Variants in COL24A1 observed in about 807,000 individuals in gnomAD.
COL24A1 encodes the protein collagen alpha-1(XXIV) chain.
A neutral mutation model predicts 253.9 loss-of-function variants in COL24A1; 224 were observed. That is an observed-to-expected ratio of 0.88 (90% CI 0.79 to 0.99). COL24A1 has a LOEUF of 0.99. COL24A1 is among the 50% of genes least tolerant of loss of function. The pLI, the probability that COL24A1 is intolerant of heterozygous loss-of-function variation, is 0.00. For missense variants in COL24A1, 2,131 were observed against 2,068.5 expected (o/e 1.03, Z -0.59); for synonymous variants, 685 against 673.7 (o/e 1.02, Z -0.26).
At chr1:85,871,497 C>T (rs1366751496) in intron 35 of COL24A1, among the ~76,000 whole-genome samples, 5 of 152,304 alleles carry the variant, frequency 3.3e-5, no homozygotes, top group South Asian at 2.1e-4. Context: ...GCTTATCCAC[C>T]ATGATCAAGT....
Position 86,111,563 on chromosome 1 carries a change from A to G in COL24A1, c.1599+1004T>C, listed in dbSNP as rs1036348003. Reference sequence around the variant, plus strand: ...CTCTCTGTAAAATGGACCGATCAGCAGGATGTGGGTGAAGTCAGAAAAGGG... The same window carrying G: ...CTCTCTGTAAAATGGACCGATCAGCGGGATGTGGGTGAAGTCAGAAAAGGG... On this transcript the variant is annotated intron_variant, in intron 5 of 59. Coordinates refer to ENST00000370571, the MANE Select transcript of COL24A1 (RefSeq NM_152890.7). 6.9e-5 allele frequency among the ~76,000 whole-genome samples: 9 copies of G among 130,594 alleles called. No homozygotes were observed. The East Asian group carries it at 1.9e-3, about 27-fold the overall frequency. The allele number at this position is 130,594 out of a possible 152,430, so 85.7% of individuals were successfully genotyped here.
Position 85,896,363 on chromosome 1 carries a change from C to T in COL24A1, c.2825G>A (p.Gly942Asp). The change falls in exon 29 of 60, where the codon GGT (glycine) becomes GAT (aspartate). Residue 942 changes from glycine to aspartate, a missense_variant. Physicochemically the swap from Gly to Asp is moderately conservative, Grantham distance 94. Coordinates refer to ENST00000370571, the MANE Select transcript of COL24A1 (RefSeq NM_152890.7). ...AGAAAAATCAATGATTACCTTGGCACCTTGTATACCTTGTTCCCCTAAGAG... is the reference window on the plus strand; with the variant it reads ...AGAAAAATCAATGATTACCTTGGCATCTTGTATACCTTGTTCCCCTAAGAG... ...DGLLGEQGIQ[G>D]AKGEKGDQGK... 1 of 1,613,098 alleles carries T rather than the reference C, an allele frequency of 6.2e-7. No homozygotes were observed. Among genetic ancestry groups the T allele is most frequent in the Non-Finnish European group, 8.5e-7 (1 of 1,179,150 alleles).
intron 24 of COL24A1, among the ~76,000 whole-genome samples, chr1:85,914,862 T>C (rs570805208): frequency 6.6e-6 from 1 of 152,324 alleles, no homozygotes; most frequent in East Asian, 1.9e-4. Context: ...TTTGGTTACA[T>C]GCAGGATAAT....
At chr1:85,902,045 T>C (rs1320191058) in intron 28 of COL24A1, among the ~76,000 whole-genome samples, 1 of 152,086 alleles carries the variant, frequency 6.6e-6, no homozygotes, top group African/African-American at 2.4e-5. Context: ...GAATAATTTG[T>C]AGGAACATGG....
intron 28 of COL24A1, among the ~76,000 whole-genome samples, chr1:85,902,307 A>G (rs2102856535): frequency 6.6e-6 from 1 of 152,306 alleles, no homozygotes; most frequent in South Asian, 2.1e-4. Context: ...AGAGTCTTAC[A>G]ATTGAAGGCT....
intron 24 of COL24A1, among the ~76,000 whole-genome samples, chr1:85,952,827 A>G (rs1690063249): frequency 6.6e-6 from 1 of 152,226 alleles, no homozygotes; most frequent in Non-Finnish European, 1.5e-5. Flanking sequence ...TTTCCTGACC[A>G]CTATTCTATA....
At chr1:85,995,971 C>T (rs1694753975) in intron 19 of COL24A1, among the ~76,000 whole-genome samples, 1 of 152,182 alleles carries the variant, frequency 6.6e-6, no homozygotes, top group Admixed American at 6.5e-5. Context: ...AACCTCTTTT[C>T]TTTATAAATT....
intron 37 of COL24A1, among the ~76,000 whole-genome samples, chr1:85,856,375 G>A (rs1558407388): frequency 3.3e-5 from 5 of 152,146 alleles, no homozygotes; most frequent in Admixed American, 1.3e-4. Context: ...GTATCCCAGA[G>A]ATTCTTGTAT....
chr1:85,825,711 A>G (rs1342063931), intron 43 of COL24A1, among the ~76,000 whole-genome samples: 1 of 146,370 alleles, frequency 6.8e-6, no homozygotes, highest in Non-Finnish European at 1.5e-5. Flanking sequence ...TTTTGGCTGC[A>G]TAAATGTCTT....
At chr1:85,924,657 G>C (rs1319205850) in intron 24 of COL24A1, among the ~76,000 whole-genome samples, 1 of 152,162 alleles carries the variant, frequency 6.6e-6, no homozygotes, top group Non-Finnish European at 1.5e-5. Context: ...ACTAGGTATT[G>C]ATGGAACATA....
At chr1:85,987,717 T>A in intron 19 of COL24A1, 63 bp from the exon 20 acceptor site, 1 of 1,423,420 alleles carries the variant, frequency 7.0e-7, no homozygotes, top group Non-Finnish European at 9.7e-7. Context: ...ATTTAGCATA[T>A]AAAATTCCCT....
At chr1:85,892,758 T>C (rs976760278) in intron 31 of COL24A1, among the ~76,000 whole-genome samples, 6 of 152,108 alleles carry the variant, frequency 3.9e-5, no homozygotes, top group Admixed American at 6.5e-5. Context: ...GCAAGTTTCT[T>C]ACACTTGTGT....
chr1:85,983,022 C>T (rs1451430434), intron 20 of COL24A1, among the ~76,000 whole-genome samples: 5 of 151,970 alleles, frequency 3.3e-5, no homozygotes, highest in Non-Finnish European at 5.9e-5. Flanking sequence ...CAGATAAATA[C>T]ATGACATACT....
intron 21 of COL24A1, 82 bp from the exon 22 acceptor site, chr1:85,970,353 C>A (rs772559100): frequency 1.6e-6 from 2 of 1,289,982 alleles, no homozygotes; most frequent in Non-Finnish European, 2.2e-6. Flanking sequence ...TCTATTTATT[C>A]TAAAATGTGA....
At chr1:86,136,471 C>A (rs1650262428) in intron 2 of COL24A1, among the ~76,000 whole-genome samples, 1 of 151,982 alleles carries the variant, frequency 6.6e-6, no homozygotes, top group African/African-American at 2.4e-5. Flanking sequence ...TTTATTATTT[C>A]ATTCATTTTT....
At chr1:85,768,617 T>C (rs1209607505) in intron 53 of COL24A1, among the ~76,000 whole-genome samples, 3 of 152,032 alleles carry the variant, frequency 2.0e-5, no homozygotes, top group African/African-American at 4.8e-5. Flanking sequence ...TTTTCTTTTA[T>C]GTAGAATCAC....
rs371501843 is a variant in COL24A1, at chr1:86,119,487, A to G, written c.1492-4109T>C. 8.5e-5 allele frequency among the ~76,000 whole-genome samples: 13 copies of G among 152,290 alleles called. No individual in the cohort carries two copies. The East Asian group carries it at 2.5e-3, about 29-fold the overall frequency. ...ACCTTTTTTATGTTCTACAACCAGA[A>G]TCCTCTCTGGTGAGAGGGGACAAAA... is the stretch of plus-strand genomic sequence containing the variant. On this transcript the variant is annotated intron_variant, in intron 3 of 59. Coordinates refer to ENST00000370571, the MANE Select transcript of COL24A1 (RefSeq NM_152890.7).
At chr1:85,897,020 C>A (rs767984452) in intron 28 of COL24A1, among the ~76,000 whole-genome samples, 3 of 152,154 alleles carry the variant, frequency 2.0e-5, no homozygotes, top group Non-Finnish European at 4.4e-5. Context: ...CAGCAGCCAG[C>A]CAGAATTTGT....
chr1:86,098,252 A>T (rs1704158065), intron 5 of COL24A1, among the ~76,000 whole-genome samples: 1 of 152,056 alleles, frequency 6.6e-6, no homozygotes, highest in Non-Finnish European at 1.5e-5. Context: ...AATGACTGTA[A>T]ATTGGGGAAG....
Sources: gnomAD v4.1 joint callset for allele counts (sites outside exome capture counted in the v4.1 genomes callset) on GRCh38, gnomAD v4.1.1 for gene constraint, MANE v1.5 for transcripts, NCBI Gene and HGNC (gene_info 2026-07-23, HGNC 2026-07-21) for gene names.